NUDT2: variants seen among roughly 807,000 people sequenced by gnomAD.
The protein encoded by NUDT2 is bis(5'-nucleosyl)-tetraphosphatase [asymmetrical].
NUDT2 carries 12 observed loss-of-function variants against 14.2 expected under a neutral mutation model. That is an observed-to-expected ratio of 0.84 (90% CI 0.54 to 1.37). The LOEUF is 1.37. Ranked by LOEUF, NUDT2 falls within the 40% of genes most tolerant of loss-of-function variation. The probability of loss-of-function intolerance (pLI) is 0.00; values close to 1 mark genes in which losing one functional copy is unlikely to be tolerated. For synonymous variants in NUDT2, 67 were observed against 67.4 expected, an observed-to-expected ratio of 0.99 and a Z score of 0.03; for missense variants, 167 against 176.7, an observed-to-expected ratio of 0.95 and a Z score of 0.31.
intron 1 of NUDT2, among the ~76,000 whole-genome samples, chr9:34,333,257 C>A (rs931621211): frequency 3.3e-5 from 5 of 152,080 alleles, no homozygotes; most frequent in African/African-American, 7.2e-5. Flanking sequence ...ACGGCCCTCT[C>A]CCCCCAACTA....
At position 34,339,139 on chromosome 9, in the gene NUDT2, G is replaced by A; in HGVS notation, c.100G>A (p.Gly34Ser). Residue 34 changes from glycine (G) to serine (S), a missense_variant, in exon 4 of 5, where the codon GGC becomes AGC. Coordinates refer to ENST00000379158, the MANE Select transcript of NUDT2 (RefSeq NM_001161.5). ...IEFLLLQASD[G>S]IHHWTPPKGH... ...GTTTTTACTGCTGCAGGCATCAGAT[G>A]GCATTCATCACTGGACTCCTCCCAA... 6.2e-7 allele frequency: 1 copy of A among 1,614,062 alleles called. No individual in the cohort carries two copies. Among genetic ancestry groups the A allele is most frequent in the Non-Finnish European group, 8.5e-7 (1 of 1,179,934 alleles).
At chr9:34,334,816 T>C (rs890014541) in intron 1 of NUDT2, among the ~76,000 whole-genome samples, 2 of 152,206 alleles carry the variant, frequency 1.3e-5, no homozygotes. Flanking sequence ...ACTGTGTCAG[T>C]TTAGCTAAGC....
At chr9:34,330,788 C>T (rs1396992526) in intron 1 of NUDT2, among the ~76,000 whole-genome samples, 1 of 151,992 alleles carries the variant, frequency 6.6e-6, no homozygotes, top group Non-Finnish European at 1.5e-5. Context: ...GGTGAAACCC[C>T]GTCTCTACTA....
rs1047619417 is a variant in NUDT2, at chr9:34,339,181, G to C, written c.127+15G>C. On this transcript the variant is annotated intron_variant, in intron 4 of 4. Transcript: ENST00000379158. ...TCCTCCCAAAGGTAGAGGCCAGAGGGGCCAGCTCTTGGGAAACTGCCAACC... is the reference window on the plus strand; with the variant it reads ...TCCTCCCAAAGGTAGAGGCCAGAGGCGCCAGCTCTTGGGAAACTGCCAACC... The C allele has an allele frequency of 3.7e-6, 6 of 1,606,936 alleles. No homozygotes were observed. In the Admixed American group the frequency reaches 8.3e-5, roughly 22 times the overall value.
At position 34,338,852 on chromosome 9, in the gene NUDT2, G is replaced by A; in HGVS notation, c.-17+5G>A. 1.9e-6 allele frequency: 1 copy of A among 517,066 alleles called. No individual in the cohort carries two copies. The allele number at this position is 517,066 out of a possible 1,614,324, so 32.0% of individuals were successfully genotyped here. On this transcript the variant is annotated splice_donor_5th_base_variant and intron_variant, in intron 3 of 4. Transcript: ENST00000379158. ...GTCCTGCAGTTATACACAAAGGTCA[G>A]TCTCTGATTCCTGGATGCCTTCCAT... is the stretch of plus-strand genomic sequence containing the variant.
intron 1 of NUDT2, among the ~76,000 whole-genome samples, chr9:34,332,172 C>T (rs879348831): frequency 3.6e-4 from 55 of 152,352 alleles, no homozygotes; most frequent in Middle Eastern, 6.8e-3. Context: ...TCAGAGGCTT[C>T]ATTGCCTACA....
intron 4 of NUDT2, among the ~76,000 whole-genome samples, chr9:34,340,615 C>T (rs890087348): frequency 2.6e-5 from 4 of 152,194 alleles, no homozygotes; most frequent in Non-Finnish European, 5.9e-5. Context: ...TTTTCATCCA[C>T]CAGCACTCCT....
intron 1 of NUDT2, 133 bp from the exon 2 acceptor site, chr9:34,336,096 C>T (rs906601420): frequency 1.3e-5 from 2 of 152,104 alleles, no homozygotes; most frequent in African/African-American, 4.8e-5. Flanking sequence ...GGGGTTCTAA[C>T]ATTCATTCCA....
rs371471874 is a variant in NUDT2, at chr9:34,343,362, C to G, written c.366C>G (p.Ala122=). 38 of 1,613,956 alleles carry G rather than the reference C, an allele frequency of 2.4e-5. No homozygotes were observed. In the African/African-American group the frequency reaches 4.5e-4, roughly 19 times the overall value. ...ACCGCTGGCTGGGGCTGGAGGAGGCCTGCCAGTTGGCTCAGTTCAAGGAGA... is the reference window on the plus strand; with the variant it reads ...ACCGCTGGCTGGGGCTGGAGGAGGCGTGCCAGTTGGCTCAGTTCAAGGAGA... ...QAYRWLGLEE[A]CQLAQFKEMK... is the part of the protein sequence containing the mutation. Residue 122 remains alanine (A), a synonymous_variant, in exon 5 of 5, where the codon GCC becomes GCG. Coordinates refer to ENST00000379158, the MANE Select transcript of NUDT2 (RefSeq NM_001161.5).
intron 4 of NUDT2, among the ~76,000 whole-genome samples, chr9:34,340,125 G>A (rs7465894): frequency 0.046 from 6,982 of 152,008 alleles, 578 homozygotes; most frequent in African/African-American, 0.16. Flanking sequence ...TAGTAGAGAC[G>A]GGGTTTCACC....
chr9:34,335,029 T>A (rs10972062), intron 1 of NUDT2, among the ~76,000 whole-genome samples: 1 of 151,980 alleles, frequency 6.6e-6, no homozygotes, highest in Non-Finnish European at 1.5e-5. Flanking sequence ...CTCACCTTGT[T>A]GGTGAAGGTC....
chr9:34,343,371 G>A lies in NUDT2; in HGVS notation c.375G>A (p.Leu125=), dbSNP rs1480824616. The change falls in exon 5 of 5, where the codon TTG becomes TTA. Residue 125 remains leucine (L), a synonymous_variant. Transcript: ENST00000379158. ...TGGGGCTGGAGGAGGCCTGCCAGTT[G>A]GCTCAGTTCAAGGAGATGAAGGCAG... ...RWLGLEEACQ[L]AQFKEMKAAL... 1 of 1,614,096 alleles carries A rather than the reference G, an allele frequency of 6.2e-7. No individual in the cohort carries two copies. The highest frequency in any genetic ancestry group is 1.1e-5 in the South Asian group (1 of 91,084).
chr9:34,339,183 C>T lies in NUDT2; in HGVS notation c.127+17C>T. 4.4e-6 allele frequency: 7 copies of T among 1,607,396 alleles called. No homozygotes were observed. Among genetic ancestry groups the T allele is most frequent in the Non-Finnish European group, 5.1e-6 (6 of 1,174,764 alleles). ...CTCCCAAAGGTAGAGGCCAGAGGGG[C>T]CAGCTCTTGGGAAACTGCCAACCAC... On this transcript the variant is annotated intron_variant, in intron 4 of 4. Coordinates refer to ENST00000379158, the MANE Select transcript of NUDT2 (RefSeq NM_001161.5).
intron 1 of NUDT2, among the ~76,000 whole-genome samples, chr9:34,330,109 C>A (rs1228240426): frequency 6.6e-6 from 1 of 152,250 alleles, no homozygotes; most frequent in Admixed American, 6.5e-5. Flanking sequence ...AAAGGGACAG[C>A]GTAAACAATG....
At chr9:34,330,460 C>T (rs1837878188) in intron 1 of NUDT2, among the ~76,000 whole-genome samples, 1 of 152,122 alleles carries the variant, frequency 6.6e-6, no homozygotes, top group Admixed American at 6.5e-5. Context: ...AAATGTAAAA[C>T]GCTATTATAG....
intron 4 of NUDT2, among the ~76,000 whole-genome samples, chr9:34,341,938 G>C (rs1459528090): frequency 6.6e-6 from 1 of 152,176 alleles, no homozygotes; most frequent in Non-Finnish European, 1.5e-5. Context: ...TGAGCAGGAG[G>C]CCTCCCTAGA....
intron 1 of NUDT2, 57 bp downstream of exon 1, chr9:34,329,656 G>A (rs1290426274): frequency 3.3e-5 from 5 of 152,358 alleles, no homozygotes; most frequent in Admixed American, 1.3e-4. Context: ...AATGAGCCTT[G>A]GAGCGATGGG....
At chr9:34,337,960 C>T (rs1462739585) in intron 2 of NUDT2, among the ~76,000 whole-genome samples, 2 of 151,888 alleles carry the variant, frequency 1.3e-5, no homozygotes, top group Admixed American at 6.6e-5. Flanking sequence ...TCTCCTGCCT[C>T]AGCCTCCCGA....
At chr9:34,331,173 G>A (rs1408856982) in intron 1 of NUDT2, among the ~76,000 whole-genome samples, 1 of 152,060 alleles carries the variant, frequency 6.6e-6, no homozygotes, top group African/African-American at 2.4e-5. Context: ...TTATGCTGTG[G>A]GACCTTATAA....
Sources: allele counts gnomAD v4.1 joint callset (sites outside exome capture counted in the v4.1 genomes callset), GRCh38; gene constraint gnomAD v4.1.1; transcripts MANE v1.5; gene names NCBI Gene and HGNC (gene_info 2026-07-23, HGNC 2026-07-21).